The following GNAI1 variants were observed in gnomAD, a reference collection of about 807,000 sequenced individuals.
GNAI1 encodes guanine nucleotide-binding protein G(i) subunit alpha-1.
In GNAI1, 11 loss-of-function variants were observed where a neutral mutation model predicts 38.9. The ratio of observed to expected loss-of-function variants is 0.28; its 90% CI spans 0.18 to 0.47. The LOEUF (loss-of-function observed/expected upper bound fraction) is 0.47. GNAI1 is among the 20% of genes least tolerant of loss of function. GNAI1 has a pLI of 0.99. For synonymous variants in GNAI1, 166 were observed against 145.1 expected (o/e 1.14, Z -1.04); for missense variants, 317 against 436.9 (o/e 0.73, Z 2.45).
intron 4 of GNAI1, among the ~76,000 whole-genome samples, chr7:80,199,905 C>T (rs564275580): frequency 6.6e-6 from 1 of 152,080 alleles, no homozygotes; most frequent in East Asian, 1.9e-4. Flanking sequence ...TGTGTGTGTG[C>T]CCTGTTGTAT....
chr7:80,141,228 C>T (rs1405322196), intron 1 of GNAI1, among the ~76,000 whole-genome samples: 2 of 152,182 alleles, frequency 1.3e-5, no homozygotes, highest in African/African-American at 2.4e-5. Flanking sequence ...TCATGTGCAT[C>T]CTGCATGCAA....
At chr7:80,162,756 T>C (rs1787946474) in intron 1 of GNAI1, among the ~76,000 whole-genome samples, 1 of 152,194 alleles carries the variant, frequency 6.6e-6, no homozygotes, top group African/African-American at 2.4e-5. Flanking sequence ...ATGGTCCTTA[T>C]TCAGCCACAC....
chr7:80,166,566 T>A (rs1788013246), intron 1 of GNAI1, among the ~76,000 whole-genome samples: 2 of 152,232 alleles, frequency 1.3e-5, no homozygotes, highest in Admixed American at 6.5e-5. Flanking sequence ...ATTTACATAC[T>A]GATATTAATA....
At chr7:80,187,065 A>T (rs1194301567) in intron 1 of GNAI1, 1 of 152,166 alleles carries the variant, frequency 6.6e-6, no homozygotes, top group African/African-American at 2.4e-5. Flanking sequence ...ATTCAGTGTG[A>T]GGGTATTTTG....
intron 1 of GNAI1, among the ~76,000 whole-genome samples, chr7:80,177,752 G>C (rs1248932990): frequency 1.3e-5 from 2 of 152,162 alleles, no homozygotes; most frequent in South Asian, 2.1e-4. Context: ...GGGATTATAG[G>C]TTTGAGCCAC....
intron 7 of GNAI1, among the ~76,000 whole-genome samples, chr7:80,213,441 G>A (rs1459279465): frequency 2.0e-5 from 3 of 152,186 alleles, no homozygotes; most frequent in Non-Finnish European, 4.4e-5. Context: ...TAGACCTGAA[G>A]TACAGTCCTG....
At chr7:80,146,251 A>G (rs576478655) in intron 1 of GNAI1, among the ~76,000 whole-genome samples, 31 of 152,046 alleles carry the variant, frequency 2.0e-4, no homozygotes, top group Non-Finnish European at 2.9e-4. Flanking sequence ...AGTTGCTCCT[A>G]ACTGAATGCC....
intron 4 of GNAI1, among the ~76,000 whole-genome samples, chr7:80,201,369 C>G (rs1225290381): frequency 1.3e-5 from 2 of 152,126 alleles, no homozygotes; most frequent in Non-Finnish European, 1.5e-5. Flanking sequence ...TCCAGACCCC[C>G]TCAGTCTCTT....
chr7:80,188,859 T>G, intron 1 of GNAI1, 92 bp from the exon 2 acceptor site: 2 of 714,632 alleles, frequency 2.8e-6, no homozygotes, highest in Non-Finnish European at 2.4e-6. Flanking sequence ...AGACTGGGTG[T>G]GTGTGTGTGT....
chr7:80,174,425 C>A (rs987114052), intron 1 of GNAI1, among the ~76,000 whole-genome samples: 1 of 148,416 alleles, frequency 6.7e-6, no homozygotes, highest in Non-Finnish European at 1.5e-5. Context: ...GCTTATTTTC[C>A]CTCTATGAAT....
At chr7:80,195,448 ATG>A (rs1429991716) in intron 3 of GNAI1, among the ~76,000 whole-genome samples, 1 of 151,962 alleles carries the variant, frequency 6.6e-6, no homozygotes, top group Non-Finnish European at 1.5e-5. Context: ...AGAAAAAAAA[ATG>A]TATTTTACAT....
intron 1 of GNAI1, among the ~76,000 whole-genome samples, chr7:80,142,129 C>T (rs565173085): frequency 5.9e-5 from 9 of 152,318 alleles, no homozygotes; most frequent in Non-Finnish European, 1.2e-4. Context: ...ACCACCTAGA[C>T]TTTTTCTATT....
intron 1 of GNAI1, among the ~76,000 whole-genome samples, chr7:80,147,716 A>G (rs1236077047): frequency 6.6e-6 from 1 of 152,188 alleles, no homozygotes; most frequent in Non-Finnish European, 1.5e-5. Flanking sequence ...TTCTGATCTT[A>G]GAAAACTACC....
intron 1 of GNAI1, among the ~76,000 whole-genome samples, chr7:80,159,646 T>C (rs528946717): frequency 6.6e-6 from 1 of 152,324 alleles, no homozygotes; most frequent in East Asian, 1.9e-4. Flanking sequence ...AACACTAACA[T>C]TTAAAAATAT....
intron 1 of GNAI1, among the ~76,000 whole-genome samples, chr7:80,166,937 T>A (rs1416043572): frequency 6.6e-6 from 1 of 152,220 alleles, no homozygotes; most frequent in Non-Finnish European, 1.5e-5. Flanking sequence ...TGAGGCTTAT[T>A]TGTCATGATT....
chr7:80,179,347 C>T (rs745888054), intron 1 of GNAI1, among the ~76,000 whole-genome samples: 7 of 152,176 alleles, frequency 4.6e-5, no homozygotes, highest in Non-Finnish European at 8.8e-5. Flanking sequence ...ATTCAGTAAA[C>T]GCTGGATGGG....
Position 80,212,725 on chromosome 7 carries a change from C to A in GNAI1, c.730C>A (p.His244Asn). ...LAEDEEMNRM[H>N]ESMKLFDSIC... ...TTTTTTTCTATTACAGAACCGAATG[C>A]ATGAAAGCATGAAATTGTTTGACAG... The change falls in exon 7 of 8, where the codon CAT becomes AAT. Residue 244 changes from histidine to asparagine, a missense_variant. By Grantham distance (68) the His-to-Asn change is moderately conservative (BLOSUM62 1). Around this residue, in one of 5 missense-constraint regions of GNAI1, gnomAD observed 158 missense variants for 234.7 expected, o/e 0.67. Coordinates refer to ENST00000649796, the MANE Select transcript of GNAI1 (RefSeq NM_002069.6). 6.5e-7 allele frequency: 1 copy of A among 1,529,072 alleles called. No individual in the cohort carries two copies. The highest frequency in any genetic ancestry group is 1.3e-5 in the South Asian group (1 of 74,694). 94.7% of individuals were successfully genotyped at this position (1,529,072 alleles called of 1,614,324 possible). A position where few individuals can be genotyped will look rare whatever the true frequency, so the allele number is the denominator to read the frequency against.
At chr7:80,163,533 T>C (rs1221295560) in intron 1 of GNAI1, among the ~76,000 whole-genome samples, 2 of 152,218 alleles carry the variant, frequency 1.3e-5, no homozygotes, top group African/African-American at 4.8e-5. Flanking sequence ...GTAACACATA[T>C]TTGAGAAACT....
intron 1 of GNAI1, among the ~76,000 whole-genome samples, chr7:80,156,086 A>G (rs540756563): frequency 6.6e-6 from 1 of 151,546 alleles, no homozygotes; most frequent in East Asian, 1.9e-4. Context: ...GCTGATGTAC[A>G]TATCAGCAAG....
Sources: allele counts gnomAD v4.1 joint callset (sites outside exome capture counted in the v4.1 genomes callset), GRCh38; gene constraint gnomAD v4.1.1; regional missense constraint gnomAD v4.1.1; transcripts MANE v1.5; gene names NCBI Gene and HGNC (gene_info 2026-07-23, HGNC 2026-07-21).